DGCR8: variants seen among roughly 807,000 people sequenced by gnomAD.
DGCR8 encodes microprocessor complex subunit DGCR8.
Under a neutral mutation model 78.5 loss-of-function variants are expected in DGCR8, and 14 were observed. That is an observed-to-expected ratio of 0.18 (90% confidence interval 0.12 to 0.28). The LOEUF (loss-of-function observed/expected upper bound fraction) is 0.28, where lower values mean the gene tolerates loss of function less well. Ranked by LOEUF, DGCR8 falls within the 10% of genes least tolerant of loss-of-function variation. DGCR8 has a pLI of 1.00. For synonymous variants in DGCR8, 399 were observed against 402.4 expected (o/e 0.99, Z 0.10); for missense variants, 702 against 1,022.5 (o/e 0.69, Z 4.28).
chr22:20,092,450 G>A (rs74576059), intron 7 of DGCR8, among the ~76,000 whole-genome samples: 19,926 of 152,198 alleles, frequency 0.13, 1,704 homozygotes, highest in Non-Finnish European at 0.19. Flanking sequence ...ATCCTTTGAG[G>A]TGGTGTTTCT....
In DGCR8 at chr22:20,089,799, G is replaced by C. The variant is rs776415961; in HGVS notation, c.1011G>C (p.Thr337=). The C allele has an allele frequency of 1.2e-6, 2 of 1,613,916 alleles. No individual in the cohort carries two copies. The highest frequency in any genetic ancestry group is 3.3e-5 in the Admixed American group (2 of 59,944). ...VTWSRPYFLG[T]GSIRKHDPPL... ...GGTCCAGGCCATACTTCTTGGGAAC[G>C]GGAAGCATACGGGTAGGGGAGGCAT... The change falls in exon 4 of 14, where the codon ACG becomes ACC. Residue 337 remains threonine, a synonymous_variant. Coordinates refer to ENST00000351989, the MANE Select transcript of DGCR8 (RefSeq NM_022720.7). This position sits in a 1 kb window ranked among gnomAD's most constrained non-coding sequence, Gnocchi z 4.9.
rs2049499618 is a variant in DGCR8 at position 20,087,402 on chromosome 22, A to G, written c.880+81A>G. 2 of 1,481,514 alleles carry G rather than the reference A, an allele frequency of 1.3e-6. No homozygotes were observed. Among genetic ancestry groups the G allele is most frequent in the African/African-American group, 2.8e-5 (2 of 70,976 alleles). 91.8% of individuals were successfully genotyped at this position (1,481,514 alleles called of 1,614,324 possible). Reference sequence around the variant, plus strand: ...TTCCTTAGCAGAAATGCTTTGAGAGAGCTCTGGTGCCAGGTAGTGGGCTGG... The same window carrying G: ...TTCCTTAGCAGAAATGCTTTGAGAGGGCTCTGGTGCCAGGTAGTGGGCTGG... On this transcript the variant is annotated intron_variant, in intron 3 of 13. Coordinates refer to ENST00000351989, the MANE Select transcript of DGCR8 (RefSeq NM_022720.7). The surrounding 1 kb of genome is among the most constrained non-coding windows in gnomAD (Gnocchi z 4.1).
Position 20,087,277 on chromosome 22 carries a change from C to G in DGCR8, c.836C>G (p.Thr279Arg), listed in dbSNP as rs778004641. ...AGCGACCATCCGTCCGATGGAGAGA[C>G]AAGTGTGCAGCCGATGATGACCAAG... ...GDSDHPSDGETSVQPMMTKIK... is the reference protein window; with the variant it reads ...GDSDHPSDGERSVQPMMTKIK... The change falls in exon 3 of 14, where the codon ACA (threonine) becomes AGA (arginine). Residue 279 changes from threonine (T) to arginine (R), a missense_variant. This residue lies in a region of DGCR8 where 356 missense variants were observed against 448.9 expected (regional missense o/e 0.79). Coordinates refer to ENST00000351989, the MANE Select transcript of DGCR8 (RefSeq NM_022720.7). The surrounding 1 kb of genome is among the most constrained non-coding windows in gnomAD (Gnocchi z 4.1). 2 of 1,613,740 alleles carry G rather than the reference C, an allele frequency of 1.2e-6. No homozygotes were observed. Among genetic ancestry groups the G allele is most frequent in the Admixed American group, 1.7e-5 (1 of 59,994 alleles).
At chr22:20,098,597 A>T (rs1169265662) in intron 9 of DGCR8, among the ~76,000 whole-genome samples, 2 of 152,202 alleles carry the variant, frequency 1.3e-5, no homozygotes, top group African/African-American at 4.8e-5. Flanking sequence ...TGCTAGGGAT[A>T]CTGTAACAAA....
intron 13 of DGCR8, chr22:20,109,229 T>G: frequency 2.4e-6 from 1 of 421,998 alleles, no homozygotes; most frequent in Non-Finnish European, 4.5e-6. Flanking sequence ...GGCCAGCCTG[T>G]TGGTGGACCA....
rs2049497458 is a variant in DGCR8, at chr22:20,087,282, G to T, written c.841G>T (p.Val281Leu). 6.2e-7 allele frequency: 1 copy of T among 1,613,540 alleles called. No homozygotes were observed. Among genetic ancestry groups the T allele is most frequent in the African/African-American group, 1.3e-5 (1 of 75,040 alleles). ...SDHPSDGETS[V>L]QPMMTKIKTV... Reference sequence around the variant, plus strand: ...CCATCCGTCCGATGGAGAGACAAGTGTGCAGCCGATGATGACCAAGATTAA... The same window carrying T: ...CCATCCGTCCGATGGAGAGACAAGTTTGCAGCCGATGATGACCAAGATTAA... Residue 281 changes from valine (V) to leucine (L), a missense_variant, in exon 3 of 14, where the codon GTG becomes TTG. Val to Leu is a conservative substitution (Grantham distance 32). Coordinates refer to ENST00000351989, the MANE Select transcript of DGCR8 (RefSeq NM_022720.7). This position sits in a 1 kb window ranked among gnomAD's most constrained non-coding sequence, Gnocchi z 4.1.
At chr22:20,082,380 T>G (rs574090331) in intron 1 of DGCR8, among the ~76,000 whole-genome samples, 7 of 151,508 alleles carry the variant, frequency 4.6e-5, no homozygotes, top group Non-Finnish European at 1.0e-4. Context: ...TCTTTTTATT[T>G]TTTTGAGACA....
chr22:20,082,152 G>A (rs748332675), intron 1 of DGCR8, among the ~76,000 whole-genome samples: 22 of 151,786 alleles, frequency 1.4e-4, no homozygotes, highest in Non-Finnish European at 2.2e-4. Flanking sequence ...TGCCTCCCGG[G>A]TTCAAGCGAT....
Position 20,091,429 on chromosome 22 carries a change from G to A in DGCR8, c.1307-6G>A. 1 of 1,614,122 alleles carries A rather than the reference G, an allele frequency of 6.2e-7. No individual in the cohort carries two copies. Among genetic ancestry groups the A allele is most frequent in the Non-Finnish European group, 8.5e-7 (1 of 1,180,002 alleles). ...GTAATTTGTTTCTCTGGTAAATCTG[G>A]GACAGATCTCGAGGAATTTCGAAGC... On this transcript the variant is annotated splice_region_variant and splice_polypyrimidine_tract_variant and intron_variant, in intron 5 of 13. Transcript: ENST00000351989.
At chr22:20,081,500 T>C (rs1290159046) in intron 1 of DGCR8, among the ~76,000 whole-genome samples, 1 of 152,210 alleles carries the variant, frequency 6.6e-6, no homozygotes, top group Non-Finnish European at 1.5e-5. Context: ...TTGAGCCCTT[T>C]GCGGCCAGGC....
chr22:20,092,476 T>C (rs1249775880), intron 7 of DGCR8, among the ~76,000 whole-genome samples: 2 of 152,170 alleles, frequency 1.3e-5, no homozygotes, highest in Non-Finnish European at 2.9e-5. Flanking sequence ...AAGCCACATC[T>C]TGTGCTTTCC....
In DGCR8 at chr22:20,086,704, C is replaced by G; in HGVS notation, c.720+21C>G. On this transcript the variant is annotated intron_variant, in intron 2 of 13. Coordinates refer to ENST00000351989, the MANE Select transcript of DGCR8 (RefSeq NM_022720.7). This position sits in a 1 kb window ranked among gnomAD's most constrained non-coding sequence, Gnocchi z 6.4. Reference sequence around the variant, plus strand: ...ACGAGGTATGTTGGCAGCCCCTCCTCTAGAGGGCTCTTAGCAAAACCCAAA... The same window carrying G: ...ACGAGGTATGTTGGCAGCCCCTCCTGTAGAGGGCTCTTAGCAAAACCCAAA... 1.3e-6 allele frequency: 2 copies of G among 1,578,574 alleles called. No homozygotes were observed. The highest frequency in any genetic ancestry group is 1.7e-6 in the Non-Finnish European group (2 of 1,167,302).
In DGCR8 at chr22:20,086,728, AAGAG is replaced by A; in HGVS notation, c.720+49_720+52del. ...TCTAGAGGGCTCTTAGCAAAACCCAAAGAGAGATTTGGGAATTGCAGCATCTTTT... is the reference window on the plus strand; with the variant it reads ...TCTAGAGGGCTCTTAGCAAAACCCAAAGATTTGGGAATTGCAGCATCTTTT... On this transcript the variant is annotated intron_variant, in intron 2 of 13. Transcript: ENST00000351989. The surrounding 1 kb of genome is among the most constrained non-coding windows in gnomAD (Gnocchi z 6.4). 3 of 1,523,314 alleles carry A rather than the reference AAGAG, an allele frequency of 2.0e-6. No homozygotes were observed. The highest frequency in any genetic ancestry group is 1.7e-6 in the Non-Finnish European group (2 of 1,144,274). 94.4% of individuals were successfully genotyped at this position (1,523,314 alleles called of 1,614,324 possible).
Position 20,087,221 on chromosome 22 carries a change from G to T in DGCR8, c.780G>T (p.Lys260Asn). Residue 260 changes from lysine to asparagine, a missense_variant, in exon 3 of 14, where the codon AAG becomes AAT. Transcript: ENST00000351989. This position sits in a 1 kb window ranked among gnomAD's most constrained non-coding sequence, Gnocchi z 4.1. Reference sequence around the variant, plus strand: ...AAGAAGGCCTTTGTGCCCCCAAAAAGAGGCGAACAGAGGAAAAATATGGCG... The same window carrying T: ...AAGAAGGCCTTTGTGCCCCCAAAAATAGGCGAACAGAGGAAAAATATGGCG... ...LLEEGLCAPK[K>N]RRTEEKYGGD... 3 of 1,614,092 alleles carry T rather than the reference G, an allele frequency of 1.9e-6. No individual in the cohort carries two copies. Among genetic ancestry groups the T allele is most frequent in the Non-Finnish European group, 2.5e-6 (3 of 1,179,952 alleles).
At position 20,091,290 on chromosome 22, in the gene DGCR8, C is replaced by T. The variant is rs2049556299; in HGVS notation, c.1307-145C>T. 3 of 734,742 alleles carry T rather than the reference C, an allele frequency of 4.1e-6. No individual in the cohort carries two copies. In the Admixed American group the frequency reaches 7.6e-5, roughly 19 times the overall value. 45.5% of individuals were successfully genotyped at this position (734,742 alleles called of 1,614,324 possible). ...ATCTGAGCTGGTGTAGGGAGGCCTT[C>T]ATTCTTTGCTTCCCTCCCCTTTGAA... On this transcript the variant is annotated intron_variant, in intron 5 of 13. Coordinates refer to ENST00000351989, the MANE Select transcript of DGCR8 (RefSeq NM_022720.7).
chr22:20,093,011 G>T, intron 8 of DGCR8, 104 bp downstream of exon 8: 8 of 749,582 alleles, frequency 1.1e-5, no homozygotes, highest in Non-Finnish European at 1.8e-5. Context: ...GGGGATGTGG[G>T]TGGGGCATGT....
Position 20,106,237 on chromosome 22 carries a change from C to G in DGCR8, c.1849C>G (p.Leu617Val). 6.2e-7 allele frequency: 1 copy of G among 1,613,964 alleles called. No individual in the cohort carries two copies. The highest frequency in any genetic ancestry group is 8.5e-7 in the Non-Finnish European group (1 of 1,180,028). Residue 617 changes from leucine to valine, a missense_variant, in exon 10 of 14, where the codon CTG becomes GTG. Coordinates refer to ENST00000351989, the MANE Select transcript of DGCR8 (RefSeq NM_022720.7). ...RVYELTSKAG[L>V]LSPYQILHEC... ...CTACGAGCTGACCAGCAAGGCTGGG[C>G]TGTTGTCTCCATATCAGATCCTCCA...
chr22:20,102,868 C>A (rs536440815), intron 9 of DGCR8, among the ~76,000 whole-genome samples: 2 of 152,220 alleles, frequency 1.3e-5, no homozygotes, highest in African/African-American at 4.8e-5. Context: ...TGCAGTGGCT[C>A]ACGCCTGTAA....
intron 9 of DGCR8, among the ~76,000 whole-genome samples, chr22:20,098,806 C>CA (rs2049661252): frequency 6.6e-6 from 1 of 152,202 alleles, no homozygotes; most frequent in African/African-American, 2.4e-5. Context: ...ACACCTGTCT[C>CA]ACTGGATTAG....
Sources: gnomAD v4.1 joint callset for allele counts (sites outside exome capture counted in the v4.1 genomes callset) on GRCh38, gnomAD v4.1.1 for gene constraint, gnomAD v4.1.1 regional missense constraint, Gnocchi (gnomAD v3.1) non-coding constraint, MANE v1.5 for transcripts, NCBI Gene and HGNC (gene_info 2026-07-23, HGNC 2026-07-21) for gene names.